KIF5A: variants seen among roughly 807,000 people sequenced by gnomAD.
KIF5A encodes kinesin heavy chain isoform 5A.
KIF5A carries 35 observed loss-of-function variants against 141.3 expected under a neutral mutation model. The observed-to-expected ratio is 0.25, with a 90% CI of 0.19 to 0.33. The LOEUF is 0.33. Ranked by LOEUF, KIF5A falls within the 10% of genes least tolerant of loss-of-function variation. The pLI is 1.00. For synonymous variants in KIF5A, 448 were observed against 500.2 expected, an observed-to-expected ratio of 0.90 and a Z score of 1.39; for missense variants, 861 against 1,314.3, an observed-to-expected ratio of 0.66 and a Z score of 5.33.
At position 57,581,457 on chromosome 12, in the gene KIF5A, C is replaced by G. The variant is rs1284934647; in HGVS notation, c.2798C>G (p.Thr933Ser). Residue 933 changes from threonine (T) to serine (S), a missense_variant, in exon 25 of 29, where the codon ACC (threonine) becomes AGC (serine). This residue lies in a region of KIF5A where 482 missense variants were observed against 661.3 expected (regional missense o/e 0.73). Coordinates refer to ENST00000455537, the MANE Select transcript of KIF5A (RefSeq NM_004984.4). ...RPGHYPASSP[T>S]NPYGTRSPEC... ...GGCCACTACCCAGCATCCTCACCCA[C>G]CAACCCCTATGGCACCCGGAGCCCT... 2 of 1,614,120 alleles carry G rather than the reference C, an allele frequency of 1.2e-6. No homozygotes were observed. The highest frequency in any genetic ancestry group is 2.7e-5 in the African/African-American group (2 of 75,012).
At chr12:57,554,990 C>G (rs1594906830) in intron 1 of KIF5A, among the ~76,000 whole-genome samples, 1 of 152,208 alleles carries the variant, frequency 6.6e-6, no homozygotes, top group South Asian at 2.1e-4. Context: ...AACATCCAAA[C>G]TACATCAGCA....
intron 6 of KIF5A, among the ~76,000 whole-genome samples, chr12:57,565,438 A>G (rs569395651): frequency 6.6e-6 from 1 of 151,920 alleles, no homozygotes; most frequent in African/African-American, 2.4e-5. Flanking sequence ...AAAGAAGAAA[A>G]GAAAAGATAC....
At chr12:57,562,276 C>T (rs532197963) in intron 1 of KIF5A, among the ~76,000 whole-genome samples, 66 of 152,248 alleles carry the variant, frequency 4.3e-4, no homozygotes, top group African/African-American at 1.5e-3. Flanking sequence ...AGTGCAGTGG[C>T]GCAATCTTGG....
rs1882283359 is a variant in KIF5A, at chr12:57,572,395, G to A, written c.1569+128G>A. 2 of 1,248,202 alleles carry A rather than the reference G, an allele frequency of 1.6e-6. No individual in the cohort carries two copies. The highest frequency in any genetic ancestry group is 1.5e-5 in the African/African-American group (1 of 67,312). The allele number at this position is 1,248,202 out of a possible 1,614,324, so 77.3% of individuals were successfully genotyped here. On this transcript the variant is annotated intron_variant, in intron 14 of 28. Coordinates refer to ENST00000455537, the MANE Select transcript of KIF5A (RefSeq NM_004984.4). This position sits in a 1 kb window ranked among gnomAD's most constrained non-coding sequence, Gnocchi z 4.2. ...TGCACTGCTGTTCAGTGCATTGTGA[G>A]TCCCTCCCCAACCCTGTCACTGCAC...
At chr12:57,553,622 A>G (rs182106991) in intron 1 of KIF5A, among the ~76,000 whole-genome samples, 11 of 152,302 alleles carry the variant, frequency 7.2e-5, no homozygotes, top group Admixed American at 6.5e-4. Context: ...GCTTATACCA[A>G]GTGCTTTACT....
chr12:57,579,299 A>G (rs886423909), intron 23 of KIF5A, among the ~76,000 whole-genome samples: 5 of 152,104 alleles, frequency 3.3e-5, no homozygotes, highest in Admixed American at 6.5e-5. Context: ...CTAGCACTAA[A>G]TATCTGAGCC....
At chr12:57,582,788 A>T (rs1882646597) in intron 27 of KIF5A, 159 bp downstream of exon 27, 8 of 720,052 alleles carry the variant, frequency 1.1e-5, no homozygotes, top group Non-Finnish European at 1.7e-5. Flanking sequence ...AGATCCAGTC[A>T]TTCCCCTGCC....
intron 1 of KIF5A, among the ~76,000 whole-genome samples, chr12:57,559,460 G>A (rs150473754): frequency 2.0e-5 from 3 of 152,126 alleles, no homozygotes; most frequent in East Asian, 1.9e-4. Context: ...CAGTGAGGTC[G>A]AGCATTAATT....
Position 57,572,753 on chromosome 12 carries a change from T to C in KIF5A, c.1716+27T>C, listed in dbSNP as rs1882295694. The stretch of plus-strand genomic sequence containing the variant: ...TGAGTGGTGAGAGACAGCAGCCTTG[T>C]TCAGGCTGGGCACTAGTGGAAGACG... On this transcript the variant is annotated intron_variant, in intron 15 of 28. Coordinates refer to ENST00000455537, the MANE Select transcript of KIF5A (RefSeq NM_004984.4). This position sits in a 1 kb window ranked among gnomAD's most constrained non-coding sequence, Gnocchi z 4.2. 8 of 1,613,874 alleles carry C rather than the reference T, an allele frequency of 5.0e-6. No homozygotes were observed. Among genetic ancestry groups the C allele is most frequent in the Non-Finnish European group, 6.8e-6 (8 of 1,179,866 alleles).
chr12:57,567,432 G>C, intron 7 of KIF5A, 62 bp from the exon 8 acceptor site: 1 of 1,600,820 alleles, frequency 6.2e-7, no homozygotes. Context: ...AGTGGAAGCC[G>C]GGGGCTGAGG....
chr12:57,564,044 T>G, intron 3 of KIF5A, 64 bp from the exon 4 acceptor site: 1 of 1,143,158 alleles, frequency 8.7e-7, no homozygotes, highest in South Asian at 1.2e-5. Context: ...TTCACCTGCA[T>G]ACATCTGAGT....
rs998317458 is a variant in KIF5A at position 57,571,236 on chromosome 12, A to G, written c.1294-85A>G. 4 of 827,386 alleles carry G rather than the reference A, an allele frequency of 4.8e-6. No individual in the cohort carries two copies. In the Middle Eastern group the frequency reaches 6.6e-4, roughly 137 times the overall value. 51.3% of individuals were successfully genotyped at this position (827,386 alleles called of 1,614,324 possible). A position where few individuals can be genotyped will look rare whatever the true frequency, so the allele number is the denominator to read the frequency against. On this transcript the variant is annotated intron_variant, in intron 12 of 28. Transcript: ENST00000455537. ...TTATACTATCTGGATTTTTATCAGG[A>G]TCCTGCCTCTACCCCCAAACTTCTT...
At chr12:57,560,140 C>T (rs1353961263) in intron 1 of KIF5A, among the ~76,000 whole-genome samples, 1 of 152,200 alleles carries the variant, frequency 6.6e-6, no homozygotes, top group East Asian at 1.9e-4. Flanking sequence ...AATCTGCCTG[C>T]CTTGGCCTCC....
rs115126222 is a variant in KIF5A at position 57,559,853 on chromosome 12, C to T, written c.130-3586C>T. Among the ~76,000 whole-genome samples the T allele has an allele frequency of 7.5e-3, 1,137 of 152,104 alleles. 14 individuals carry two copies. Among genetic ancestry groups the T allele is most frequent in the African/African-American group, 0.026 (1,060 of 41,514 alleles). On this transcript the variant is annotated intron_variant, in intron 1 of 28. Coordinates refer to ENST00000455537, the MANE Select transcript of KIF5A (RefSeq NM_004984.4). The stretch of plus-strand genomic sequence containing the variant: ...TCAACGTGTTTTTGAGATATATTGA[C>T]GTTCTATTTATTAATGTTCTATTAT...
rs1281148717 is a variant in KIF5A, at chr12:57,577,992, T to C, written c.2362-17T>C. The C allele has an allele frequency of 1.2e-6, 2 of 1,610,706 alleles. No homozygotes were observed. The highest frequency in any genetic ancestry group is 2.2e-5 in the South Asian group (2 of 90,986). ...CCTGGTATCTGGCTATTCCCAATTT[T>C]TCATCATTCTTTCCAGGCCCGGGAA... On this transcript the variant is annotated splice_polypyrimidine_tract_variant and intron_variant, in intron 21 of 28. Coordinates refer to ENST00000455537, the MANE Select transcript of KIF5A (RefSeq NM_004984.4).
intron 16 of KIF5A, 59 bp downstream of exon 16, chr12:57,575,331 G>T: frequency 2.6e-6 from 4 of 1,535,290 alleles, no homozygotes; most frequent in South Asian, 2.3e-5. Context: ...CTACTCTGGG[G>T]TTATGGCTAA....
intron 1 of KIF5A, among the ~76,000 whole-genome samples, chr12:57,558,036 A>G (rs570819212): frequency 7.4e-4 from 112 of 152,332 alleles, no homozygotes; most frequent in African/African-American, 2.5e-3. Flanking sequence ...CTATACATTT[A>G]TAAGCAAATA....
intron 8 of KIF5A, 67 bp from the exon 9 acceptor site, chr12:57,568,896 A>G: frequency 9.8e-7 from 1 of 1,021,570 alleles, no homozygotes; most frequent in Non-Finnish European, 1.5e-6. Context: ...GAGCCCTGGA[A>G]CGAGGTGGTG....
chr12:57,580,400 T>C (rs894296745), intron 23 of KIF5A, among the ~76,000 whole-genome samples: 3 of 152,194 alleles, frequency 2.0e-5, no homozygotes, highest in African/African-American at 7.2e-5. Context: ...CGGGGCGGGC[T>C]CTGCCTGTCT....
Sources: gnomAD v4.1 joint callset for allele counts (sites outside exome capture counted in the v4.1 genomes callset) on GRCh38, gnomAD v4.1.1 for gene constraint, gnomAD v4.1.1 regional missense constraint, Gnocchi (gnomAD v3.1) non-coding constraint, MANE v1.5 for transcripts, NCBI Gene and HGNC (gene_info 2026-07-23, HGNC 2026-07-21) for gene names.